The following ROBO1 variants were observed in gnomAD, a reference collection of about 807,000 sequenced individuals.
The protein encoded by ROBO1 is roundabout homolog 1.
Under a neutral mutation model 195.9 loss-of-function variants are expected in ROBO1, and 149 were observed. The ratio of observed to expected loss-of-function variants is 0.76; its 90% CI spans 0.67 to 0.87. ROBO1 has a LOEUF of 0.87. ROBO1 is among the 40% of genes least tolerant of loss of function. The pLI, the probability that ROBO1 is intolerant of heterozygous loss-of-function variation, is 0.00. For synonymous variants in ROBO1, 816 were observed against 733.2 expected (o/e 1.11, Z -1.82); for missense variants, 1,933 against 2,068.3 (o/e 0.93, Z 1.27).
intron 1 of ROBO1, among the ~76,000 whole-genome samples, chr3:79,683,933 A>G (rs2107001385): frequency 6.6e-6 from 1 of 152,220 alleles, no homozygotes; most frequent in Admixed American, 6.5e-5. Context: ...TTTTGAGTGG[A>G]CACATGCTTT....
intron 2 of ROBO1, among the ~76,000 whole-genome samples, chr3:79,270,260 A>C: frequency 6.6e-6 from 1 of 150,842 alleles, no homozygotes; most frequent in Admixed American, 6.6e-5. Flanking sequence ...ATGGAATTTG[A>C]AAGTTAAGAA....
intron 8 of ROBO1, among the ~76,000 whole-genome samples, chr3:78,704,597 C>G (rs1559765270): frequency 4.2e-4 from 5 of 11,940 alleles, no homozygotes; most frequent in South Asian, 1.9e-3. Context: ...CACACACATA[C>G]ACACACACAC....
chr3:79,683,793 T>A (rs1947019739), intron 1 of ROBO1, among the ~76,000 whole-genome samples: 1 of 152,140 alleles, frequency 6.6e-6, no homozygotes, highest in South Asian at 2.1e-4. Context: ...TCCTTTTTTT[T>A]GACTGAATAA....
At chr3:79,410,739 G>A (rs996038672) in intron 2 of ROBO1, among the ~76,000 whole-genome samples, 1 of 152,012 alleles carries the variant, frequency 6.6e-6, no homozygotes, top group Non-Finnish European at 1.5e-5. Flanking sequence ...AGGGATAAAG[G>A]TCCAGTAATA....
intron 4 of ROBO1, among the ~76,000 whole-genome samples, chr3:78,874,549 G>T (rs1387958398): frequency 6.6e-6 from 1 of 151,804 alleles, no homozygotes; most frequent in Non-Finnish European, 1.5e-5. Context: ...GGCTAAAAAT[G>T]CAGGGGCAAA....
At chr3:78,782,793 T>A (rs1323522185) in intron 4 of ROBO1, among the ~76,000 whole-genome samples, 4 of 152,220 alleles carry the variant, frequency 2.6e-5, no homozygotes, top group African/African-American at 9.6e-5. Flanking sequence ...ACTGCAATTA[T>A]CATACATGTT....
chr3:78,714,439 T>A lies in ROBO1; in HGVS notation c.1003A>T (p.Met335Leu). ...MGSYTCVAEN[M>L]VGKAEASATL... ...GCAGATGCTTCAGCTTTGCCCACCA[T>A]ATTTTCTGCAACACAAGTGTATGAA... is the stretch of plus-strand genomic sequence containing the variant. Residue 335 changes from methionine (M) to leucine (L), a missense_variant, in exon 8 of 31, where the codon ATG becomes TTG. Physicochemically the swap from Met to Leu is conservative, Grantham distance 15 (BLOSUM62 2). Around this residue, in one of 3 missense-constraint regions of ROBO1, gnomAD observed 1,737 missense variants for 1,882.5 expected, o/e 0.92. Coordinates refer to ENST00000464233, the MANE Select transcript of ROBO1 (RefSeq NM_002941.4). 6.2e-7 allele frequency: 1 copy of A among 1,613,456 alleles called. No homozygotes were observed. The highest frequency in any genetic ancestry group is 8.5e-7 in the Non-Finnish European group (1 of 1,179,606).
chr3:78,938,314 A>C (rs1473200214), intron 4 of ROBO1: 4 of 355,170 alleles, frequency 1.1e-5, no homozygotes, highest in Admixed American at 4.4e-5. Flanking sequence ...TTTAAAGGTA[A>C]CAAAGGAGGG....
At chr3:79,109,699 G>A (rs983494692) in intron 3 of ROBO1, among the ~76,000 whole-genome samples, 5 of 151,860 alleles carry the variant, frequency 3.3e-5, no homozygotes, top group African/African-American at 4.8e-5. Context: ...AGAACTAACC[G>A]AATAGCACTA....
At chr3:79,612,431 G>A (rs1169864889) in intron 1 of ROBO1, among the ~76,000 whole-genome samples, 1 of 151,308 alleles carries the variant, frequency 6.6e-6, no homozygotes, top group Non-Finnish European at 1.5e-5. Context: ...GTCTATCATT[G>A]TTGGACATTT....
rs79703627 is a variant in ROBO1 at position 79,575,083 on chromosome 3, C to T, written c.88+14741G>A. 4.2e-3 allele frequency among the ~76,000 whole-genome samples: 571 copies of T among 137,076 alleles called. 3 individuals are homozygous for T. The highest frequency in any genetic ancestry group is 0.013 in the African/African-American group (484 of 37,052). 89.9% of individuals were successfully genotyped at this position (137,076 alleles called of 152,430 possible). A position where few individuals can be genotyped will look rare whatever the true frequency, so the allele number is the denominator to read the frequency against. Reference sequence around the variant, plus strand: ...CATTTTCTGTCTTTGTGTTTTTAAACAAGGAAATGAAAACAAATATATATA... The same window carrying T: ...CATTTTCTGTCTTTGTGTTTTTAAATAAGGAAATGAAAACAAATATATATA... On this transcript the variant is annotated intron_variant, in intron 2 of 30. Transcript: ENST00000464233.
intron 1 of ROBO1, among the ~76,000 whole-genome samples, chr3:79,621,713 C>T (rs1031902712): frequency 1.3e-5 from 2 of 152,088 alleles, no homozygotes; most frequent in Non-Finnish European, 1.5e-5. Flanking sequence ...GGAGCAAATG[C>T]TAAGGGAATT....
intron 3 of ROBO1, among the ~76,000 whole-genome samples, chr3:79,057,109 C>A (rs1047369287): frequency 2.6e-5 from 4 of 151,936 alleles, no homozygotes; most frequent in Non-Finnish European, 5.9e-5. Flanking sequence ...TGGGTGGTCC[C>A]TTGATTGACC....
chr3:79,184,876 C>T (rs1168282014), intron 2 of ROBO1, among the ~76,000 whole-genome samples: 2 of 152,134 alleles, frequency 1.3e-5, no homozygotes, highest in Non-Finnish European at 2.9e-5. Flanking sequence ...TCAACACAAC[C>T]CACAGCATCT....
intron 4 of ROBO1, among the ~76,000 whole-genome samples, chr3:78,852,615 AT>A (rs1473746837): frequency 6.6e-6 from 1 of 152,170 alleles, no homozygotes; most frequent in African/African-American, 2.4e-5. Context: ...TATTTTAGCA[AT>A]GAGAAGGAAG....
intron 10 of ROBO1, among the ~76,000 whole-genome samples, chr3:78,676,364 G>A (rs1708426970): frequency 1.3e-5 from 2 of 152,016 alleles, no homozygotes; most frequent in South Asian, 4.2e-4. Flanking sequence ...GGCTTCAGAC[G>A]ATCAAACTAC....
intron 2 of ROBO1, among the ~76,000 whole-genome samples, chr3:79,473,966 G>A (rs114966539): frequency 0.011 from 1,632 of 152,182 alleles, 30 homozygotes; most frequent in African/African-American, 0.037. Flanking sequence ...AGTAAAATGA[G>A]TAAAGCAAAG....
Position 79,474,955 on chromosome 3 carries a change from C to T in ROBO1, c.88+114869G>A, listed in dbSNP as rs1473888834. ...TGCTAGGTGATTTTGGAAAAGGTAA[C>T]GCTATCTAGGAAAACTGGGAGAATT... On this transcript the variant is annotated intron_variant, in intron 2 of 30. Transcript: ENST00000464233. Among the ~76,000 whole-genome samples, 58 of 151,824 alleles carry T rather than the reference C, an allele frequency of 3.8e-4. 1 individual carries two copies. The highest frequency in any genetic ancestry group is 3.7e-3 in the Admixed American group (56 of 15,206).
At chr3:79,000,356 C>T (rs1270256527) in intron 3 of ROBO1, among the ~76,000 whole-genome samples, 1 of 152,076 alleles carries the variant, frequency 6.6e-6, no homozygotes, top group East Asian at 1.9e-4. Flanking sequence ...AAAATTTTCT[C>T]CCATTCTGGA....
Sources: gnomAD v4.1 joint callset for allele counts (sites outside exome capture counted in the v4.1 genomes callset) on GRCh38, gnomAD v4.1.1 for gene constraint, gnomAD v4.1.1 regional missense constraint, MANE v1.5 for transcripts, NCBI Gene and HGNC (gene_info 2026-07-23, HGNC 2026-07-21) for gene names.